The following SGCD variants were observed in gnomAD, a reference collection of about 807,000 sequenced individuals.
SGCD encodes delta-sarcoglycan.
A neutral mutation model predicts 36.6 loss-of-function variants in SGCD; 18 were observed. That is an observed-to-expected ratio of 0.49 (90% confidence interval 0.34 to 0.73). The LOEUF (loss-of-function observed/expected upper bound fraction) is 0.73, where lower values mean the gene tolerates loss of function less well. Ranked by LOEUF, SGCD falls within the 30% of genes least tolerant of loss-of-function variation. The probability of loss-of-function intolerance (pLI) is 0.01; values close to 1 mark genes in which losing one functional copy is unlikely to be tolerated. For missense variants in SGCD, 387 were observed against 346.7 expected (o/e 1.12, Z -0.92); for synonymous variants, 133 against 130.6 (o/e 1.02, Z -0.12).
intron 3 of SGCD, among the ~76,000 whole-genome samples, chr5:156,213,495 A>G (rs1764500688): frequency 6.6e-6 from 1 of 152,086 alleles, no homozygotes; most frequent in Non-Finnish European, 1.5e-5. Flanking sequence ...ACTGAAGCAA[A>G]GCTTATGGAA....
chr5:156,716,880 G>C (rs545623240), intron 7 of SGCD, among the ~76,000 whole-genome samples: 1 of 152,266 alleles, frequency 6.6e-6, no homozygotes, highest in African/African-American at 2.4e-5. Context: ...ACACATTCAG[G>C]AAGCTAAGCC....
the SGCD span, among the ~76,000 whole-genome samples, chr5:155,830,568 T>G: frequency 6.6e-6 from 1 of 152,228 alleles, no homozygotes; most frequent in Non-Finnish European, 1.5e-5. Flanking sequence ...GGACTTTGGT[T>G]AAAATTATAA....
At chr5:155,944,835 T>C (rs1429348531) in intron 1 of SGCD, among the ~76,000 whole-genome samples, 3 of 152,170 alleles carry the variant, frequency 2.0e-5, no homozygotes, top group African/African-American at 7.2e-5. Flanking sequence ...GCATATCTTT[T>C]TGAAGTTAGG....
chr5:155,956,186 C>T (rs547515971), intron 1 of SGCD, among the ~76,000 whole-genome samples: 1 of 151,186 alleles, frequency 6.6e-6, no homozygotes, highest in Non-Finnish European at 1.5e-5. Context: ...GGTGGGCGTG[C>T]CTCTGGCTGA....
intron 1 of SGCD, among the ~76,000 whole-genome samples, chr5:155,908,415 A>G (rs977436226): frequency 6.6e-6 from 1 of 152,152 alleles, no homozygotes; most frequent in East Asian, 1.9e-4. Context: ...ATGAATATTT[A>G]TTGAATGAAT....
intron 1 of SGCD, among the ~76,000 whole-genome samples, chr5:156,047,346 A>C (rs1033270264): frequency 6.6e-6 from 1 of 152,190 alleles, no homozygotes. Flanking sequence ...TAAATGAAAC[A>C]GACTTCTATT....
At chr5:156,148,167 A>C (rs1045847796) in intron 3 of SGCD, among the ~76,000 whole-genome samples, 1 of 152,252 alleles carries the variant, frequency 6.6e-6, no homozygotes, top group Non-Finnish European at 1.5e-5. Flanking sequence ...TGTGAACCAC[A>C]TAATGAACAA....
At chr5:156,697,242 A>G (rs373980911) in intron 7 of SGCD, among the ~76,000 whole-genome samples, 4 of 152,164 alleles carry the variant, frequency 2.6e-5, no homozygotes, top group African/African-American at 7.2e-5. Context: ...ATTATATGCT[A>G]TATAAATTAT....
chr5:156,712,999 G>T (rs1411553687), intron 7 of SGCD, among the ~76,000 whole-genome samples: 1 of 152,108 alleles, frequency 6.6e-6, no homozygotes, highest in Non-Finnish European at 1.5e-5. Context: ...ACATGGTAGG[G>T]TCTGAATAAA....
rs1173544564 is a variant in SGCD, at chr5:156,584,256, A to G, written c.295-4975A>G. Among the ~76,000 whole-genome samples the G allele has an allele frequency of 6.6e-5, 10 of 152,220 alleles. No individual in the cohort carries two copies. The East Asian group carries it at 1.4e-3, about 21-fold the overall frequency. ...TTTTTGCTAAAATGTCTCTCCCCTA[A>G]CAAGGTCTTTCCTGACCACCCGAGT... On this transcript the variant is annotated intron_variant, in intron 4 of 8. Coordinates refer to ENST00000337851, the MANE Select transcript of SGCD (RefSeq NM_000337.6).
chr5:155,993,198 C>T (rs995309035), intron 1 of SGCD, among the ~76,000 whole-genome samples: 6 of 152,180 alleles, frequency 3.9e-5, no homozygotes, highest in Non-Finnish European at 8.8e-5. Context: ...ATGGAACATT[C>T]CTGCATGGCC....
chr5:156,328,473 A>G (rs1312247473), intron 1 of SGCD, among the ~76,000 whole-genome samples: 1 of 152,204 alleles, frequency 6.6e-6, no homozygotes, highest in African/African-American at 2.4e-5. Flanking sequence ...GTGTGCATTT[A>G]CTTGTGTCCT....
chr5:155,949,692 TG>T (rs1757514439), intron 1 of SGCD, among the ~76,000 whole-genome samples: 1 of 152,304 alleles, frequency 6.6e-6, no homozygotes, highest in South Asian at 2.1e-4. Flanking sequence ...GCAGTTTTAT[TG>T]GAACATGGCC....
chr5:156,757,765 A>G lies in SGCD; in HGVS notation c.699+61A>G, dbSNP rs753632932. On this transcript the variant is annotated intron_variant, in intron 8 of 8. Coordinates refer to ENST00000337851, the MANE Select transcript of SGCD (RefSeq NM_000337.6). ...CAGCTTCAACAGGCCAACCCTTCCC[A>G]TAACTGGTTGACCTCGGAGTTGGAT... 6.4e-7 allele frequency: 1 copy of G among 1,560,428 alleles called. No individual in the cohort carries two copies. The highest frequency in any genetic ancestry group is 8.7e-7 in the Non-Finnish European group (1 of 1,151,878).
intron 4 of SGCD, among the ~76,000 whole-genome samples, chr5:156,549,792 C>T (rs933841584): frequency 6.6e-6 from 1 of 152,184 alleles, no homozygotes; most frequent in Non-Finnish European, 1.5e-5. Context: ...TACTTTATGG[C>T]TGTCTAACCA....
chr5:156,500,382 C>T (rs943789856), intron 3 of SGCD, among the ~76,000 whole-genome samples: 7 of 152,134 alleles, frequency 4.6e-5, no homozygotes, highest in African/African-American at 1.7e-4. Context: ...TTACATTCTA[C>T]TGCAATCTGT....
At chr5:156,724,060 C>T (rs561256265) in intron 7 of SGCD, among the ~76,000 whole-genome samples, 3 of 152,218 alleles carry the variant, frequency 2.0e-5, no homozygotes, top group Admixed American at 6.5e-5. Flanking sequence ...AACACAGTGA[C>T]AGATTAACAA....
At chr5:156,503,280 G>A (rs1286470575) in intron 3 of SGCD, among the ~76,000 whole-genome samples, 3 of 152,108 alleles carry the variant, frequency 2.0e-5, no homozygotes, top group African/African-American at 7.2e-5. Flanking sequence ...ATGGCACACA[G>A]CACATGATTA....
chr5:156,356,070 C>CTT (rs1769477394), intron 3 of SGCD, among the ~76,000 whole-genome samples: 1 of 152,270 alleles, frequency 6.6e-6, no homozygotes, highest in East Asian at 1.9e-4. Flanking sequence ...TCTTATGTGC[C>CTT]TTTATAAATT....
Sources: allele counts gnomAD v4.1 joint callset (sites outside exome capture counted in the v4.1 genomes callset), GRCh38; gene constraint gnomAD v4.1.1; transcripts MANE v1.5; gene names NCBI Gene and HGNC (gene_info 2026-07-23, HGNC 2026-07-21).